PTPRD: variants seen among roughly 807,000 people sequenced by gnomAD.
PTPRD encodes receptor-type tyrosine-protein phosphatase delta.
A neutral mutation model predicts 214.5 loss-of-function variants in PTPRD; 34 were observed. That is an observed-to-expected ratio of 0.16 (90% CI 0.12 to 0.21). The LOEUF (loss-of-function observed/expected upper bound fraction) is 0.21, where lower values mean the gene tolerates loss of function less well. Ranked by LOEUF, PTPRD falls within the 10% of genes least tolerant of loss-of-function variation. The probability of loss-of-function intolerance (pLI) is 1.00; values close to 1 mark genes in which losing one functional copy is unlikely to be tolerated. For synonymous variants in PTPRD, 1,128 were observed against 845.7 expected (o/e 1.33, Z -5.79); for missense variants, 2,545 against 2,398.7 (o/e 1.06, Z -1.27).
At chr9:10,560,913 C>T (rs2063798018) in intron 2 of PTPRD, among the ~76,000 whole-genome samples, 1 of 152,196 alleles carries the variant, frequency 6.6e-6, no homozygotes, top group Non-Finnish European at 1.5e-5. Context: ...AAGACTGACA[C>T]AGACCTCAGA....
At chr9:10,403,795 C>A (rs1354543886) in intron 2 of PTPRD, among the ~76,000 whole-genome samples, 2 of 151,484 alleles carry the variant, frequency 1.3e-5, no homozygotes, top group Non-Finnish European at 3.0e-5. Flanking sequence ...CCGGAAAAGG[C>A]GAAACTGTGG....
chr9:10,191,466 T>C (rs187414026), intron 3 of PTPRD, among the ~76,000 whole-genome samples: 2 of 152,216 alleles, frequency 1.3e-5, no homozygotes, highest in African/African-American at 2.4e-5. Context: ...AAAGAAGGAA[T>C]TGTAAGGGTA....
At chr9:8,587,436 A>G (rs894984970) in intron 14 of PTPRD, among the ~76,000 whole-genome samples, 1 of 152,208 alleles carries the variant, frequency 6.6e-6, no homozygotes, top group African/African-American at 2.4e-5. Context: ...ATACTTCAAA[A>G]GAAAAGAATA....
At chr9:9,643,809 T>C (rs1036361746) in intron 7 of PTPRD, among the ~76,000 whole-genome samples, 2 of 152,186 alleles carry the variant, frequency 1.3e-5, no homozygotes, top group African/African-American at 4.8e-5. Flanking sequence ...CCAAAACTCA[T>C]ACCATGAGTT....
chr9:10,082,291 C>A (rs1299901968), intron 3 of PTPRD, among the ~76,000 whole-genome samples: 2 of 152,094 alleles, frequency 1.3e-5, no homozygotes, highest in East Asian at 3.9e-4. Context: ...ACCTTTTTCA[C>A]ACTTATCAAA....
At chr9:10,146,504 G>T (rs1030231270) in intron 3 of PTPRD, among the ~76,000 whole-genome samples, 1 of 152,022 alleles carries the variant, frequency 6.6e-6, no homozygotes, top group East Asian at 1.9e-4. Context: ...TGACCTCAGG[G>T]AATAAGAATG....
At chr9:9,049,666 G>C (rs144183067) in intron 10 of PTPRD, among the ~76,000 whole-genome samples, 2 of 152,048 alleles carry the variant, frequency 1.3e-5, no homozygotes, top group East Asian at 3.9e-4. Flanking sequence ...TAGAGGTTGT[G>C]GGGTTTTAGG....
intron 11 of PTPRD, among the ~76,000 whole-genome samples, chr9:8,880,745 G>A (rs1283976642): frequency 2.0e-5 from 3 of 152,146 alleles, no homozygotes; most frequent in Non-Finnish European, 4.4e-5. Context: ...ATATTTTAAT[G>A]TAGTTGGTTT....
chr9:9,130,924 T>C (rs761968644), intron 10 of PTPRD, among the ~76,000 whole-genome samples: 4 of 152,200 alleles, frequency 2.6e-5, no homozygotes, highest in Non-Finnish European at 5.9e-5. Flanking sequence ...ATGGATCCTA[T>C]GACGAACCCT....
At chr9:10,178,150 T>C (rs2099260375) in intron 3 of PTPRD, among the ~76,000 whole-genome samples, 1 of 151,944 alleles carries the variant, frequency 6.6e-6, no homozygotes, top group Non-Finnish European at 1.5e-5. Flanking sequence ...GGAGAGACTG[T>C]AAGTTTCTAA....
At chr9:9,694,875 C>G (rs1225068041) in intron 7 of PTPRD, among the ~76,000 whole-genome samples, 6 of 152,130 alleles carry the variant, frequency 3.9e-5, no homozygotes, top group Admixed American at 3.9e-4. Context: ...TGCCCTTTGA[C>G]CTTGGTCAGG....
chr9:9,689,003 C>G (rs543157981), intron 7 of PTPRD, among the ~76,000 whole-genome samples: 5 of 151,792 alleles, frequency 3.3e-5, no homozygotes, highest in Non-Finnish European at 7.4e-5. Flanking sequence ...ACAAAAACAA[C>G]AAAATTGCAA....
At chr9:9,410,963 G>C (rs553895371) in intron 8 of PTPRD, among the ~76,000 whole-genome samples, 1 of 152,162 alleles carries the variant, frequency 6.6e-6, no homozygotes, top group South Asian at 2.1e-4. Flanking sequence ...GTGTGGGCGC[G>C]TGCCTGCCTT....
Position 8,484,127 on chromosome 9 carries a change from C to A in PTPRD, c.3405G>T (p.Glu1135Asp). Reference sequence around the variant, plus strand: ...GCCTTCAATCAACTTACTTTATATTCTCATTTGCAGGTACTTCAGGCAGTT... The same window carrying A: ...GCCTTCAATCAACTTACTTTATATTATCATTTGCAGGTACTTCAGGCAGTT... ...TVQLPEVPAN[E>D]NIKGYYIIIV... The change falls in exon 30 of 46, where the codon GAG (glutamate) becomes GAT (aspartate). Residue 1135 changes from glutamate to aspartate, a missense_variant. Coordinates refer to ENST00000381196, the MANE Select transcript of PTPRD (RefSeq NM_002839.4). The A allele has an allele frequency of 1.9e-6, 3 of 1,613,304 alleles. No homozygotes were observed. Among genetic ancestry groups the A allele is most frequent in the South Asian group, 1.1e-5 (1 of 91,044 alleles).
chr9:9,582,939 G>A (rs1040510237), intron 7 of PTPRD, among the ~76,000 whole-genome samples: 3 of 151,908 alleles, frequency 2.0e-5, no homozygotes, highest in Non-Finnish European at 2.9e-5. Flanking sequence ...GCATTTGTTG[G>A]AATTTCATTA....
At chr9:8,340,808 CTATT>C (rs1187450075) in intron 41 of PTPRD, among the ~76,000 whole-genome samples, 1 of 152,078 alleles carries the variant, frequency 6.6e-6, no homozygotes, top group Non-Finnish European at 1.5e-5. Flanking sequence ...CTCACACAAT[CTATT>C]AAATTTATGA....
intron 7 of PTPRD, among the ~76,000 whole-genome samples, chr9:9,673,884 A>G (rs1284055025): frequency 6.6e-6 from 1 of 151,758 alleles, no homozygotes; most frequent in Non-Finnish European, 1.5e-5. Context: ...AATATATCAT[A>G]CTTAAAGTAC....
At chr9:8,362,377 T>C (rs1201979298) in intron 39 of PTPRD, among the ~76,000 whole-genome samples, 1 of 152,050 alleles carries the variant, frequency 6.6e-6, no homozygotes, top group African/African-American at 2.4e-5. Flanking sequence ...TCAGAGAAAA[T>C]AGTCTGAAAC....
In PTPRD at chr9:9,324,171, G is replaced by A. The variant is rs181625402; in HGVS notation, c.-203+73278C>T. On this transcript the variant is annotated intron_variant, in intron 9 of 45. Transcript: ENST00000381196. Reference sequence around the variant, plus strand: ...ACATACGTGTGCATGTGTCTTTATAGCAGCATGATTTACAATCCTTTGGGT... The same window carrying A: ...ACATACGTGTGCATGTGTCTTTATAACAGCATGATTTACAATCCTTTGGGT... Among the ~76,000 whole-genome samples the A allele has an allele frequency of 9.0e-3, 1,377 of 152,268 alleles. 9 individuals are homozygous for A. The highest frequency in any genetic ancestry group is 0.014 in the Non-Finnish European group (967 of 68,030).
Sources: allele counts gnomAD v4.1 joint callset (sites outside exome capture counted in the v4.1 genomes callset), GRCh38; gene constraint gnomAD v4.1.1; transcripts MANE v1.5; gene names NCBI Gene and HGNC (gene_info 2026-07-23, HGNC 2026-07-21).